Variants in TBC1D1 observed in about 807,000 individuals in gnomAD.
The protein encoded by TBC1D1 is TBC1 (tre-2/USP6, BUB2, cdc16) domain family, member 1.
In TBC1D1, 89 loss-of-function variants were observed where a neutral mutation model predicts 125.6. The observed-to-expected ratio is 0.71, with a 90% CI of 0.60 to 0.85. The LOEUF is 0.85. Ranked by LOEUF, TBC1D1 falls within the 40% of genes least tolerant of loss-of-function variation. TBC1D1 has a pLI of 0.00. For missense variants in TBC1D1, 1,377 were observed against 1,469.2 expected (o/e 0.94, Z 1.03); for synonymous variants, 565 against 564.1 (o/e 1.00, Z -0.02).
At chr4:37,992,758 G>T (rs563655474) in intron 2 of TBC1D1, among the ~76,000 whole-genome samples, 6 of 150,752 alleles carry the variant, frequency 4.0e-5, no homozygotes, top group Middle Eastern at 3.5e-3. Flanking sequence ...CTCCCAAAGT[G>T]CTGGGATTAC....
intron 2 of TBC1D1, among the ~76,000 whole-genome samples, chr4:37,989,714 G>A (rs1224634068): frequency 6.6e-6 from 1 of 152,216 alleles, no homozygotes. Context: ...GATCAGTTAA[G>A]GGGAAAATGG....
chr4:38,084,874 C>CAG (rs1269782897), intron 12 of TBC1D1, among the ~76,000 whole-genome samples: 1 of 152,142 alleles, frequency 6.6e-6, no homozygotes, highest in African/African-American at 2.4e-5. Flanking sequence ...CTCTTTCTTA[C>CAG]AGGGCACTTA....
At chr4:37,983,262 G>A (rs1734750421) in intron 2 of TBC1D1, among the ~76,000 whole-genome samples, 1 of 151,820 alleles carries the variant, frequency 6.6e-6, no homozygotes, top group Non-Finnish European at 1.5e-5. Context: ...TTACAGGCAG[G>A]TGCCACCACA....
At chr4:38,015,500 A>G (rs1742519155) in intron 3 of TBC1D1, among the ~76,000 whole-genome samples, 1 of 151,792 alleles carries the variant, frequency 6.6e-6, no homozygotes, top group African/African-American at 2.4e-5. Flanking sequence ...TTAAATTGAC[A>G]GCCAAATGCT....
intron 2 of TBC1D1, among the ~76,000 whole-genome samples, chr4:37,917,344 A>G (rs1719953312): frequency 6.6e-6 from 1 of 151,946 alleles, no homozygotes; most frequent in Admixed American, 6.6e-5. Flanking sequence ...GCGTGGTGGC[A>G]GGCGCCTGTA....
At position 38,014,927 on chromosome 4, in the gene TBC1D1, T is replaced by A; in HGVS notation, c.836T>A (p.Ile279Asn). 6.3e-7 allele frequency: 1 copy of A among 1,580,802 alleles called. No individual in the cohort carries two copies. The highest frequency in any genetic ancestry group is 8.6e-7 in the Non-Finnish European group (1 of 1,159,432). The change falls in exon 3 of 20, where the codon ATT becomes AAT. Residue 279 changes from isoleucine to asparagine, a missense_variant. Ile to Asn is a moderately radical substitution (Grantham distance 149). Coordinates refer to ENST00000261439, the MANE Select transcript of TBC1D1 (RefSeq NM_015173.4). The surrounding 1 kb of genome is among the most constrained non-coding windows in gnomAD (Gnocchi z 5.1). ...AACCACCTCATTAGCGGACACAATA[T>A]TGTGCAGCCCACAGATATCGAGGAA...
chr4:38,107,047 C>T (rs1200334443), intron 15 of TBC1D1, among the ~76,000 whole-genome samples: 2 of 152,090 alleles, frequency 1.3e-5, no homozygotes, highest in Admixed American at 6.5e-5. Flanking sequence ...GCCTGGCCTC[C>T]GGTTTGGATG....
At chr4:38,086,756 GC>G (rs1445835814) in intron 12 of TBC1D1, among the ~76,000 whole-genome samples, 1 of 152,188 alleles carries the variant, frequency 6.6e-6, no homozygotes, top group African/African-American at 2.4e-5. Flanking sequence ...GCAGCGTGGA[GC>G]CCTGCTATTC....
rs199776035 is a variant in TBC1D1, at chr4:38,020,625, G to C, written c.1007G>C (p.Cys336Ser). The change falls in exon 5 of 20, where the codon TGT becomes TCT. Residue 336 changes from cysteine to serine, a missense_variant. Cys to Ser is a moderately radical substitution (Grantham distance 112, BLOSUM62 -1). This residue lies in a region of TBC1D1 where 822 missense variants were observed against 824.6 expected (regional missense o/e 1.00). Coordinates refer to ENST00000261439, the MANE Select transcript of TBC1D1 (RefSeq NM_015173.4). ...CACGTGGACCACTTTGGGTTTATCT[G>C]TCGGGAGTCTTCCGGAGGTGGCGGC... 6.2e-7 allele frequency: 1 copy of C among 1,613,266 alleles called. No individual in the cohort carries two copies. Among genetic ancestry groups the C allele is most frequent in the East Asian group, 2.2e-5 (1 of 44,804 alleles).
At chr4:37,981,297 A>T (rs556538611) in intron 2 of TBC1D1, among the ~76,000 whole-genome samples, 1 of 152,296 alleles carries the variant, frequency 6.6e-6, no homozygotes, top group South Asian at 2.1e-4. Context: ...TTTTATGTAA[A>T]ACCAGGTTTT....
chr4:38,018,003 A>G (rs897444926), intron 3 of TBC1D1, among the ~76,000 whole-genome samples: 2 of 152,352 alleles, frequency 1.3e-5, no homozygotes, highest in East Asian at 3.9e-4. Flanking sequence ...TTGTCAGTAA[A>G]AATCATTCAA....
rs1185796535 is a variant in TBC1D1, at chr4:38,062,284, C to T, written c.2050+7946C>T. On this transcript the variant is annotated intron_variant, in intron 12 of 19. Transcript: ENST00000261439. ...AGTGTGCTTGTTTTTTTTTTTTTCCCTGCGTGTTTTTGTTTTTGATCTTGC... is the reference window on the plus strand; with the variant it reads ...AGTGTGCTTGTTTTTTTTTTTTTCCTTGCGTGTTTTTGTTTTTGATCTTGC... Among the ~76,000 whole-genome samples, 10 of 150,972 alleles carry T rather than the reference C, an allele frequency of 6.6e-5. No homozygotes were observed. The South Asian group carries it at 1.7e-3, about 25-fold the overall frequency.
At chr4:38,042,762 ACCCC>A (rs1238452084) in intron 8 of TBC1D1, among the ~76,000 whole-genome samples, 1 of 152,076 alleles carries the variant, frequency 6.6e-6, no homozygotes, top group Non-Finnish European at 1.5e-5. Context: ...ACTGTTCTCA[ACCCC>A]TGGCAAATGC....
chr4:38,032,617 G>T (rs1578353336), intron 7 of TBC1D1, among the ~76,000 whole-genome samples: 1 of 152,072 alleles, frequency 6.6e-6, no homozygotes. Flanking sequence ...GGTGGATCAC[G>T]AGGTCAGGAG....
At chr4:37,987,766 CAT>C (rs1735750658) in intron 2 of TBC1D1, among the ~76,000 whole-genome samples, 1 of 152,218 alleles carries the variant, frequency 6.6e-6, no homozygotes, top group Non-Finnish European at 1.5e-5. Context: ...TGAGTGACCA[CAT>C]GAGATTGCAT....
At chr4:38,098,396 A>G (rs1383150469) in intron 14 of TBC1D1, among the ~76,000 whole-genome samples, 2 of 152,192 alleles carry the variant, frequency 1.3e-5, no homozygotes, top group Non-Finnish European at 2.9e-5. Flanking sequence ...AGCTATTCCA[A>G]ATATTTGAGC....
intron 19 of TBC1D1, among the ~76,000 whole-genome samples, chr4:38,135,284 C>T (rs141300181): frequency 3.5e-4 from 53 of 152,304 alleles, no homozygotes; most frequent in Non-Finnish European, 5.3e-4. Context: ...GTTGTCTAGA[C>T]GCTGGAGAGC....
Position 38,052,301 on chromosome 4 carries a change from G to T in TBC1D1, c.1911-1898G>T, listed in dbSNP as rs149481326. On this transcript the variant is annotated intron_variant, in intron 11 of 19. Transcript: ENST00000261439. ...TTTTCTTAAGATTATTATGAAAACA[G>T]ATCTTAATGGCAGATTGGTTTGTGT... Among the ~76,000 whole-genome samples, 9 of 151,168 alleles carry T rather than the reference G, an allele frequency of 6.0e-5. No homozygotes were observed. In the East Asian group the frequency reaches 1.6e-3, roughly 26 times the overall value.
At chr4:37,909,303 G>A (rs1462980118) in intron 2 of TBC1D1, among the ~76,000 whole-genome samples, 1 of 152,100 alleles carries the variant, frequency 6.6e-6, no homozygotes, top group African/African-American at 2.4e-5. Flanking sequence ...AGCCATTGTT[G>A]CCTTGGCTGA....
Sources: allele counts gnomAD v4.1 joint callset (sites outside exome capture counted in the v4.1 genomes callset), GRCh38; gene constraint gnomAD v4.1.1; regional missense constraint gnomAD v4.1.1; non-coding constraint Gnocchi (gnomAD v3.1); transcripts MANE v1.5; gene names NCBI Gene and HGNC (gene_info 2026-07-23, HGNC 2026-07-21).